TRIM24: variants seen among roughly 807,000 people sequenced by gnomAD.
TRIM24 encodes the protein transcription intermediary factor 1-alpha.
TRIM24 carries 29 observed loss-of-function variants against 123.9 expected under a neutral mutation model. The observed-to-expected ratio is 0.23, with a 90% CI of 0.17 to 0.32. The LOEUF (loss-of-function observed/expected upper bound fraction) is 0.32, where lower values mean the gene tolerates loss of function less well. TRIM24 is among the 10% of genes least tolerant of loss of function. The probability of loss-of-function intolerance (pLI) is 1.00; values close to 1 mark genes in which losing one functional copy is unlikely to be tolerated. For missense variants in TRIM24, 932 were observed against 1,295.3 expected (o/e 0.72, Z 4.31); for synonymous variants, 456 against 461.1 (o/e 0.99, Z 0.14).
chr7:138,494,278 G>A (rs746039804), intron 1 of TRIM24, among the ~76,000 whole-genome samples: 4 of 152,032 alleles, frequency 2.6e-5, no homozygotes, highest in Non-Finnish European at 5.9e-5. Context: ...GAGCCACTGC[G>A]ACTGGTGTTA....
Position 138,573,633 on chromosome 7 carries a change from G to A in TRIM24, c.2005G>A (p.Gly669Ser). 6.2e-7 allele frequency: 1 copy of A among 1,604,544 alleles called. No homozygotes were observed. The highest frequency in any genetic ancestry group is 1.3e-5 in the African/African-American group (1 of 74,514). The change falls in exon 12 of 19, where the codon GGC becomes AGC. Residue 669 changes from glycine (G) to serine (S), a missense_variant. Transcript: ENST00000343526. ...QSPNSSVPSP[G>S]LAGPVTMTSV... is the part of the protein sequence containing the mutation. ...ACCAAATTCATCAGTGCCATCTCCA[G>A]GCCTTGCAGGTAAAGTGGGCTTCTT...
At chr7:138,508,699 G>GCGCGCGCGCGCA (rs1563038826) in intron 2 of TRIM24, among the ~76,000 whole-genome samples, 3 of 96,410 alleles carry the variant, frequency 3.1e-5, no homozygotes, top group African/African-American at 1.5e-4. Flanking sequence ...GTGTGCGCGC[G>GCGCGCGCGCGCA]CGTGTGTGCG....
chr7:138,532,443 G>A, intron 6 of TRIM24, among the ~76,000 whole-genome samples: 1 of 152,304 alleles, frequency 6.6e-6, no homozygotes, highest in African/African-American at 2.4e-5. Flanking sequence ...TGGCTAGCCA[G>A]TTTTCCCAGC....
intron 10 of TRIM24, among the ~76,000 whole-genome samples, chr7:138,568,537 C>T (rs897609890): frequency 6.6e-6 from 1 of 151,746 alleles, no homozygotes; most frequent in East Asian, 1.9e-4. Context: ...CAGGCGCCCA[C>T]TACCATGCCT....
chr7:138,528,941 C>T (rs1292853427), intron 5 of TRIM24, among the ~76,000 whole-genome samples, 175 bp from the exon 6 acceptor site: 1 of 151,856 alleles, frequency 6.6e-6, no homozygotes, highest in Admixed American at 6.6e-5. Context: ...TGATATCTTT[C>T]AGAAGAATTA....
chr7:138,508,700 C>CGCGCGCGCGTGTGTGCGTGTGT (rs1182276337), intron 2 of TRIM24, among the ~76,000 whole-genome samples: 4 of 35,510 alleles, frequency 1.1e-4, no homozygotes, highest in Non-Finnish European at 2.4e-4. Flanking sequence ...TGTGCGCGCG[C>CGCGCGCGCGTGTGTGCGTGTGT]GTGTGTGCGT....
chr7:138,573,187 TTA>T (rs1797691307), intron 11 of TRIM24, among the ~76,000 whole-genome samples: 2 of 152,212 alleles, frequency 1.3e-5, no homozygotes, highest in African/African-American at 4.8e-5. Flanking sequence ...CTCACCAAGT[TTA>T]TGTTTTTCAT....
At chr7:138,486,554 T>A (rs1584693290) in intron 1 of TRIM24, among the ~76,000 whole-genome samples, 1 of 152,234 alleles carries the variant, frequency 6.6e-6, no homozygotes, top group African/African-American at 2.4e-5. Flanking sequence ...TTTCTACATA[T>A]GGCTAGCCAG....
At chr7:138,571,243 G>A (rs1348641621) in intron 11 of TRIM24, among the ~76,000 whole-genome samples, 2 of 152,134 alleles carry the variant, frequency 1.3e-5, no homozygotes, top group Non-Finnish European at 2.9e-5. Context: ...AGGCTGTGGT[G>A]AGCTGAGATC....
chr7:138,485,953 C>T (rs1034343205), intron 1 of TRIM24, among the ~76,000 whole-genome samples: 3 of 152,192 alleles, frequency 2.0e-5, no homozygotes, highest in Non-Finnish European at 4.4e-5. Context: ...TACACTCCCA[C>T]CAACAGTGTA....
chr7:138,516,088 A>G (rs925930832), intron 3 of TRIM24, among the ~76,000 whole-genome samples: 1 of 152,146 alleles, frequency 6.6e-6, no homozygotes, highest in African/African-American at 2.4e-5. Flanking sequence ...TCATGAGATC[A>G]GGAGATCGAG....
At chr7:138,555,252 T>C (rs1797292114) in intron 9 of TRIM24, among the ~76,000 whole-genome samples, 1 of 152,106 alleles carries the variant, frequency 6.6e-6, no homozygotes, top group African/African-American at 2.4e-5. Flanking sequence ...CTGTGATTGA[T>C]GGGAAAAGTT....
chr7:138,578,199 A>G (rs1797805453), intron 14 of TRIM24, among the ~76,000 whole-genome samples: 1 of 152,186 alleles, frequency 6.6e-6, no homozygotes, highest in East Asian at 1.9e-4. Flanking sequence ...AGGTAATTAC[A>G]GAGTCTTAGT....
chr7:138,490,636 C>T (rs1161536794), intron 1 of TRIM24: 2 of 331,810 alleles, frequency 6.0e-6, no homozygotes, highest in African/African-American at 2.2e-5. Flanking sequence ...GCACGTATCT[C>T]ATCCCCAGTT....
At chr7:138,548,068 T>C (rs569011181) in intron 7 of TRIM24, among the ~76,000 whole-genome samples, 3 of 152,258 alleles carry the variant, frequency 2.0e-5, no homozygotes, top group Non-Finnish European at 4.4e-5. Context: ...ATAATTGAGA[T>C]GGAGCAGGTT....
intron 17 of TRIM24, among the ~76,000 whole-genome samples, chr7:138,581,974 TTTC>T (rs1481105849): frequency 6.6e-6 from 1 of 152,242 alleles, no homozygotes; most frequent in African/African-American, 2.4e-5. Context: ...TCAGGTATTC[TTTC>T]TTCTTTCTTT....
intron 7 of TRIM24, among the ~76,000 whole-genome samples, chr7:138,550,860 A>C (rs1233919462): frequency 6.6e-6 from 1 of 152,180 alleles, no homozygotes; most frequent in Admixed American, 6.5e-5. Context: ...TGTCACTTCA[A>C]AATAGGTTAA....
chr7:138,492,078 C>G (rs1344456819), intron 1 of TRIM24, among the ~76,000 whole-genome samples: 1 of 151,052 alleles, frequency 6.6e-6, no homozygotes, highest in Admixed American at 6.6e-5. Context: ...CCAGACTGAG[C>G]AACAAAGGGA....
intron 14 of TRIM24, among the ~76,000 whole-genome samples, chr7:138,577,850 TATCA>T (rs111339046): frequency 2.0e-5 from 3 of 152,282 alleles, no homozygotes; most frequent in South Asian, 2.1e-4. Context: ...CCAGGCAAAT[TATCA>T]ATCAGATTGA....
Sources: gnomAD v4.1 joint callset for allele counts (sites outside exome capture counted in the v4.1 genomes callset) on GRCh38, gnomAD v4.1.1 for gene constraint, MANE v1.5 for transcripts, NCBI Gene and HGNC (gene_info 2026-07-23, HGNC 2026-07-21) for gene names.